The following STK3 variants were observed in gnomAD, a reference collection of about 807,000 sequenced individuals.
STK3 encodes the protein serine/threonine-protein kinase 3.
In STK3, 41 loss-of-function variants were observed where a neutral mutation model predicts 58.0. The observed-to-expected ratio is 0.71, with a 90% CI of 0.55 to 0.92. STK3 has a LOEUF of 0.92. STK3 is among the 40% of genes least tolerant of loss of function. STK3 has a pLI of 0.00. For missense variants in STK3, 479 were observed against 602.7 expected (o/e 0.79, Z 2.15); for synonymous variants, 170 against 191.0 (o/e 0.89, Z 0.91).
In STK3 at chr8:98,526,606, G is replaced by A. The variant is rs770228956; in HGVS notation, c.1317+136C>T. The A allele has an allele frequency of 8.4e-5, 57 of 681,554 alleles. No individual in the cohort carries two copies. In the Middle Eastern group the frequency reaches 2.2e-3, roughly 27 times the overall value. 42.2% of individuals were successfully genotyped at this position (681,554 alleles called of 1,614,324 possible). On this transcript the variant is annotated intron_variant, in intron 10 of 10. Transcript: ENST00000419617. The stretch of plus-strand genomic sequence containing the variant: ...AATTTCTCTAACCATGTATATGGCT[G>A]TATAATGAATATTAACATATGGTCT...
intron 8 of STK3, among the ~76,000 whole-genome samples, chr8:98,559,746 T>C (rs1480908670): frequency 6.6e-6 from 1 of 152,108 alleles, no homozygotes; most frequent in African/African-American, 2.4e-5. Context: ...AGAATACTGC[T>C]GGAGAATACT....
chr8:98,688,299 T>C (rs1824157017), intron 6 of STK3, among the ~76,000 whole-genome samples: 1 of 152,166 alleles, frequency 6.6e-6, no homozygotes, highest in Non-Finnish European at 1.5e-5. Flanking sequence ...TAAGAAAAGA[T>C]GTTGACAGCC....
chr8:98,430,812 G>A (rs973219327), intron 3 of STK3: 1 of 167,036 alleles, frequency 6.0e-6, no homozygotes, highest in Admixed American at 6.5e-5. Context: ...ATAAAAAATT[G>A]TAAACTTGAA....
At chr8:98,403,673 A>C (rs1817966254) in intron 3 of STK3, among the ~76,000 whole-genome samples, 1 of 152,182 alleles carries the variant, frequency 6.6e-6, no homozygotes, top group Non-Finnish European at 1.5e-5. Context: ...CCCTATGCAC[A>C]GGTAGAGCAG....
intron 6 of STK3, among the ~76,000 whole-genome samples, chr8:98,630,819 G>C (rs1350903110): frequency 6.6e-6 from 1 of 151,248 alleles, no homozygotes; most frequent in Non-Finnish European, 1.5e-5. Flanking sequence ...AGAAGAAGAA[G>C]AAGAAAGAAA....
chr8:98,527,071 TAAAATAAGAATTAA>T, intron 9 of STK3, 154 bp from the exon 10 acceptor site: 1 of 530,042 alleles, frequency 1.9e-6, no homozygotes, highest in Non-Finnish European at 2.9e-6. Context: ...CAAAGTGAAA[TAAAATAAGAATTAA>T]AAAATACCCA....
chr8:98,701,209 A>G (rs1196429147), intron 6 of STK3, among the ~76,000 whole-genome samples: 1 of 151,272 alleles, frequency 6.6e-6, no homozygotes. Flanking sequence ...AGGGAGGGAA[A>G]AGAAAGGAAA....
chr8:98,630,243 T>C (rs539251947), intron 6 of STK3, among the ~76,000 whole-genome samples: 23 of 152,204 alleles, frequency 1.5e-4, no homozygotes, highest in Non-Finnish European at 2.9e-4. Context: ...GACGTGTTAG[T>C]TTCACCATAT....
intron 3 of STK3, among the ~76,000 whole-genome samples, chr8:98,416,251 G>T (rs558173702): frequency 2.7e-3 from 409 of 152,140 alleles, no homozygotes; most frequent in Non-Finnish European, 4.6e-3. Context: ...GGGCGATCAA[G>T]ATGCACTAGA....
chr8:98,534,153 T>C (rs1288431883), intron 9 of STK3, among the ~76,000 whole-genome samples: 3 of 152,102 alleles, frequency 2.0e-5, no homozygotes, highest in Non-Finnish European at 4.4e-5. Flanking sequence ...CATGTATTAG[T>C]GGAAAAATAG....
intron 7 of STK3, among the ~76,000 whole-genome samples, chr8:98,584,049 T>A (rs1428962334): frequency 6.6e-6 from 1 of 152,290 alleles, no homozygotes; most frequent in East Asian, 1.9e-4. Flanking sequence ...CAAACATGTA[T>A]CTCTGCTAGT....
chr8:98,835,579 C>A lies in STK3; in HGVS notation c.110+48068G>T, dbSNP rs141807087. The stretch of plus-strand genomic sequence containing the variant: ...GCCAACAGTTTCCTTCCCACCACAC[C>A]CCACTCCTCCCTCAGGCAATTTTGC... On this transcript the variant is annotated intron_variant, in intron 3 of 12. Coordinates refer to the STK3 transcript ENST00000523601. Among the ~76,000 whole-genome samples, 3 of 152,258 alleles carry A rather than the reference C, an allele frequency of 2.0e-5. No individual in the cohort carries two copies. The East Asian group carries it at 5.8e-4, about 29-fold the overall frequency.
intron 1 of STK3, among the ~76,000 whole-genome samples, chr8:98,809,289 G>T (rs1433364753): frequency 6.6e-6 from 1 of 152,218 alleles, no homozygotes; most frequent in Non-Finnish European, 1.5e-5. Context: ...ACTGGCATCT[G>T]AAGTGGTGGA....
chr8:98,711,922 T>TG (rs1826489494), intron 4 of STK3, among the ~76,000 whole-genome samples: 1 of 152,206 alleles, frequency 6.6e-6, no homozygotes, highest in Admixed American at 6.5e-5. Context: ...CCCATCAGAC[T>TG]GACAGCTGAT....
At chr8:98,806,397 T>C (rs1437401341) in intron 1 of STK3, among the ~76,000 whole-genome samples, 2 of 152,134 alleles carry the variant, frequency 1.3e-5, no homozygotes, top group Non-Finnish European at 2.9e-5. Context: ...AATACACATA[T>C]ATGGCTAGAA....
chr8:98,469,109 A>G (rs1820710762), intron 10 of STK3, among the ~76,000 whole-genome samples: 1 of 70,824 alleles, frequency 1.4e-5, no homozygotes, highest in South Asian at 3.2e-4. Context: ...CTCCATCTTT[A>G]AAAAAAAAAA....
intron 10 of STK3, among the ~76,000 whole-genome samples, chr8:98,513,003 GATGA>G (rs775905170): frequency 6.6e-6 from 1 of 152,132 alleles, no homozygotes; most frequent in Non-Finnish European, 1.5e-5. Context: ...CTGAATAAAT[GATGA>G]ATGAAGGAAA....
intron 4 of STK3, among the ~76,000 whole-genome samples, chr8:98,747,343 A>G (rs1829709573): frequency 1.3e-5 from 2 of 152,302 alleles, no homozygotes; most frequent in South Asian, 2.1e-4. Flanking sequence ...AACAGACCAT[A>G]CAAGCTCTTA....
At chr8:98,515,746 GT>G (rs537628706) in intron 10 of STK3, among the ~76,000 whole-genome samples, 195 of 143,358 alleles carry the variant, frequency 1.4e-3, no homozygotes, top group East Asian at 6.1e-3. Flanking sequence ...AGTTTCTTCA[GT>G]TTTTTTTTTT....
Sources: gnomAD v4.1 joint callset for allele counts (sites outside exome capture counted in the v4.1 genomes callset) on GRCh38, gnomAD v4.1.1 for gene constraint, MANE v1.5 for transcripts, NCBI Gene and HGNC (gene_info 2026-07-23, HGNC 2026-07-21) for gene names.